ANAPC10: variants seen among roughly 807,000 people sequenced by gnomAD.
The protein encoded by ANAPC10 is anaphase-promoting complex subunit 10.
ANAPC10 carries 12 observed loss-of-function variants against 22.0 expected under a neutral mutation model. The ratio of observed to expected loss-of-function variants is 0.55; its 90% CI spans 0.35 to 0.88. ANAPC10 has a LOEUF of 0.88. ANAPC10 is among the 40% of genes least tolerant of loss of function. The pLI is 0.01. For missense variants in ANAPC10, 188 were observed against 220.9 expected, an observed-to-expected ratio of 0.85 and a Z score of 0.94; for synonymous variants, 65 against 69.5, an observed-to-expected ratio of 0.94 and a Z score of 0.32.
chr4:145,074,350 T>A (rs1157076729), intron 3 of ANAPC10, among the ~76,000 whole-genome samples: 1 of 152,062 alleles, frequency 6.6e-6, no homozygotes, highest in African/African-American at 2.4e-5. Context: ...CATTTAATTA[T>A]GTAATAGGTA....
rs560394328 is a variant in ANAPC10 at position 145,066,131 on chromosome 4, T to C, written c.207-1439A>G. 2.4e-4 allele frequency among the ~76,000 whole-genome samples: 37 copies of C among 152,250 alleles called. No homozygotes were observed. In the South Asian group the frequency reaches 4.8e-3, roughly 20 times the overall value. On this transcript the variant is annotated intron_variant, in intron 3 of 4. Coordinates refer to ENST00000507656, the MANE Select transcript of ANAPC10 (RefSeq NM_001256706.2). Reference sequence around the variant, plus strand: ...GTACTCTGTGTCAAAAGTCAGCCTATAAAAACAGCAGGGGCTCTGTAGCTC... The same window carrying C: ...GTACTCTGTGTCAAAAGTCAGCCTACAAAAACAGCAGGGGCTCTGTAGCTC...
At chr4:145,022,054 T>G (rs1395500498) in intron 4 of ANAPC10, among the ~76,000 whole-genome samples, 2 of 152,274 alleles carry the variant, frequency 1.3e-5, no homozygotes, top group African/African-American at 4.8e-5. Flanking sequence ...ACTTCTACAC[T>G]GCTGGAATGT....
chr4:145,060,304 C>T (rs1742698862), intron 4 of ANAPC10, among the ~76,000 whole-genome samples: 1 of 151,886 alleles, frequency 6.6e-6, no homozygotes. Flanking sequence ...TTTAAGTCCT[C>T]AGGTATAGTG....
chr4:144,996,749 GAGA>G (rs1310797676), intron 4 of ANAPC10, among the ~76,000 whole-genome samples: 1 of 152,194 alleles, frequency 6.6e-6, no homozygotes. Context: ...GACGAGTTGA[GAGA>G]AGAAGGCTTC....
intron 3 of ANAPC10, among the ~76,000 whole-genome samples, chr4:145,065,331 T>A (rs560699084): frequency 2.6e-5 from 4 of 151,860 alleles, no homozygotes; most frequent in African/African-American, 9.7e-5. Context: ...TGAAAATGTG[T>A]TCAACGTCTA....
intron 4 of ANAPC10, among the ~76,000 whole-genome samples, chr4:145,028,419 C>A (rs1258194534): frequency 6.6e-6 from 1 of 152,128 alleles, no homozygotes; most frequent in East Asian, 1.9e-4. Context: ...AGCTTGCAGA[C>A]AGCCTATTGT....
intron 3 of ANAPC10, among the ~76,000 whole-genome samples, chr4:145,076,817 A>C (rs1745267322): frequency 6.6e-6 from 1 of 152,250 alleles, no homozygotes; most frequent in African/African-American, 2.4e-5. Flanking sequence ...TAATACATTC[A>C]GCAGTGTTAA....
intron 4 of ANAPC10, among the ~76,000 whole-genome samples, chr4:145,001,708 G>A (rs566101869): frequency 1.3e-5 from 2 of 152,074 alleles, no homozygotes; most frequent in African/African-American, 2.4e-5. Context: ...CAGCTGCTAT[G>A]GTATGAAACC....
At chr4:145,068,971 C>T (rs1465981756) in intron 3 of ANAPC10, among the ~76,000 whole-genome samples, 1 of 152,112 alleles carries the variant, frequency 6.6e-6, no homozygotes, top group Non-Finnish European at 1.5e-5. Flanking sequence ...TGAAAGTTTT[C>T]GCGGAAGACT....
chr4:145,089,379 C>T (rs942344845), intron 2 of ANAPC10, among the ~76,000 whole-genome samples: 4 of 152,054 alleles, frequency 2.6e-5, no homozygotes, highest in Non-Finnish European at 5.9e-5. Context: ...TACTGAATCC[C>T]TTCTTTGTAT....
intron 4 of ANAPC10, among the ~76,000 whole-genome samples, chr4:145,026,789 A>G (rs1291324437): frequency 6.6e-6 from 1 of 150,632 alleles, no homozygotes; most frequent in East Asian, 1.9e-4. Flanking sequence ...ACAAAGCATC[A>G]TTAATATCCT....
intron 4 of ANAPC10, among the ~76,000 whole-genome samples, chr4:145,007,752 T>C (rs1203302503): frequency 6.7e-6 from 1 of 149,652 alleles, no homozygotes; most frequent in African/African-American, 2.5e-5. Context: ...CACAATAACA[T>C]CACAATTAAA....
In ANAPC10 at chr4:145,098,192, T is replaced by G. The variant is rs1748906659; in HGVS notation, c.-85A>C. ...CAGCAGCTGGCTTCGCCAACGGCGT[T>G]GAACAAGGGTCGCAGCTCAATGACG... is the stretch of plus-strand genomic sequence containing the variant. On this transcript the variant is annotated 5_prime_UTR_variant, in exon 1 of 5. Transcript: ENST00000507656. 6.6e-6 allele frequency: 1 copy of G among 152,664 alleles called. No homozygotes were observed. The highest frequency in any genetic ancestry group is 1.5e-5 in the Non-Finnish European group (1 of 68,404). 9.5% of individuals were successfully genotyped at this position (152,664 alleles called of 1,614,324 possible).
chr4:145,059,785 A>T (rs919786138), intron 4 of ANAPC10, among the ~76,000 whole-genome samples: 1 of 152,042 alleles, frequency 6.6e-6, no homozygotes, highest in Admixed American at 6.5e-5. Flanking sequence ...AGCTAGAGAT[A>T]TTTTCTAAAA....
chr4:145,078,471 T>A (rs1244641992), intron 3 of ANAPC10, among the ~76,000 whole-genome samples: 1 of 152,136 alleles, frequency 6.6e-6, no homozygotes, highest in Non-Finnish European at 1.5e-5. Context: ...AATTTATAGA[T>A]TCAATGCTAT....
chr4:145,005,024 T>C (rs937616593), intron 4 of ANAPC10, among the ~76,000 whole-genome samples: 1 of 152,210 alleles, frequency 6.6e-6, no homozygotes, highest in African/African-American at 2.4e-5. Context: ...GAAATCATTA[T>C]TGATCTGTTT....
intron 3 of ANAPC10, among the ~76,000 whole-genome samples, chr4:145,078,623 A>G (rs1333293003): frequency 6.6e-6 from 1 of 152,176 alleles, no homozygotes; most frequent in East Asian, 1.9e-4. Flanking sequence ...CCAACTTCAA[A>G]CTAAACTTCA....
intron 4 of ANAPC10, among the ~76,000 whole-genome samples, chr4:145,005,636 C>T (rs1358839514): frequency 6.6e-6 from 1 of 152,026 alleles, no homozygotes. Context: ...TTTGGCTGTG[C>T]CCCAGAGATT....
chr4:145,074,844 T>C (rs1744969100), intron 3 of ANAPC10, among the ~76,000 whole-genome samples: 1 of 152,194 alleles, frequency 6.6e-6, no homozygotes, highest in East Asian at 1.9e-4. Flanking sequence ...CTGGTCTTTG[T>C]GTAGCTCTTA....
Sources: allele counts gnomAD v4.1 joint callset (sites outside exome capture counted in the v4.1 genomes callset), GRCh38; gene constraint gnomAD v4.1.1; transcripts MANE v1.5; gene names NCBI Gene and HGNC (gene_info 2026-07-23, HGNC 2026-07-21).